The following IL1RAPL1 variants were observed in gnomAD, a reference collection of about 807,000 sequenced individuals.
IL1RAPL1 encodes the protein interleukin-1 receptor accessory protein-like 1.
In IL1RAPL1, 3 loss-of-function variants were observed where a neutral mutation model predicts 48.4. That is an observed-to-expected ratio of 0.06 (90% confidence interval 0.03 to 0.16). IL1RAPL1 has a LOEUF of 0.16. Ranked by LOEUF, IL1RAPL1 falls within the 10% of genes least tolerant of loss-of-function variation. The pLI is 1.00. For missense variants in IL1RAPL1, 349 were observed against 530.6 expected, an observed-to-expected ratio of 0.66 and a Z score of 3.36; for synonymous variants, 185 against 187.7, an observed-to-expected ratio of 0.99 and a Z score of 0.12.
At chrX:28,642,716 A>G (rs1934561439) in intron 1 of IL1RAPL1, among the ~76,000 whole-genome samples, 1 of 111,822 alleles carries the variant, frequency 8.9e-6, no homozygotes, top group Non-Finnish European at 1.9e-5. Flanking sequence ...GGAAAGATCT[A>G]AAATTGACAC....
chrX:29,661,612 G>A (rs1925851188), intron 5 of IL1RAPL1, among the ~76,000 whole-genome samples: 1 of 111,866 alleles, frequency 8.9e-6, no homozygotes, highest in African/African-American at 3.3e-5. Context: ...AGTAAAATTA[G>A]CCTTATGGAT....
intron 5 of IL1RAPL1, among the ~76,000 whole-genome samples, chrX:29,471,279 T>A (rs1934918024): frequency 1.8e-5 from 2 of 111,311 alleles, no homozygotes; most frequent in African/African-American, 6.5e-5. Flanking sequence ...GAGGCTCTGT[T>A]TAGCTTCAGT....
At chrX:29,788,646 A>G (rs1343847515) in intron 6 of IL1RAPL1, among the ~76,000 whole-genome samples, 2 of 112,217 alleles carry the variant, frequency 1.8e-5, no homozygotes, top group Non-Finnish European at 3.8e-5. Flanking sequence ...TCTTTGTGTT[A>G]TGAACATTCA....
chrX:28,666,533 A>AT (rs901951381), intron 1 of IL1RAPL1, among the ~76,000 whole-genome samples: 3 of 111,869 alleles, frequency 2.7e-5, no homozygotes, highest in East Asian at 2.8e-4. Context: ...TTTTGAATAA[A>AT]TTTTTTTTGT....
chrX:29,846,625 A>G (rs367679521), intron 6 of IL1RAPL1, among the ~76,000 whole-genome samples: 3 of 109,701 alleles, frequency 2.7e-5, no homozygotes, highest in East Asian at 5.7e-4. Flanking sequence ...TAATGCACTG[A>G]TACATAATCA....
rs192567503 is a variant in IL1RAPL1, at chrX:29,076,474, A to G, written c.83-206464A>G. ...GTACTGTATTTTCATAACATATGCC[A>G]GGCAACTTCTATGTATTTCAGGTCA... On this transcript the variant is annotated intron_variant, in intron 2 of 10. Transcript: ENST00000378993. Among the ~76,000 whole-genome samples the G allele has an allele frequency of 6.5e-3, 724 of 111,933 alleles. 8 individuals are homozygous for G. Among genetic ancestry groups the G allele is most frequent in the African/African-American group, 0.022 (692 of 30,866 alleles).
intron 6 of IL1RAPL1, among the ~76,000 whole-genome samples, chrX:29,813,952 G>C (rs1481632163): frequency 9.0e-6 from 1 of 111,660 alleles, no homozygotes; most frequent in Non-Finnish European, 1.9e-5. Flanking sequence ...AGTATTCCAT[G>C]GTGTGTATGC....
intron 2 of IL1RAPL1, among the ~76,000 whole-genome samples, chrX:29,060,009 A>C (rs1363534376): frequency 8.9e-6 from 1 of 111,792 alleles, no homozygotes; most frequent in Non-Finnish European, 1.9e-5. Flanking sequence ...GTTTTATCTG[A>C]AAGGCAAAAA....
intron 2 of IL1RAPL1, among the ~76,000 whole-genome samples, chrX:29,185,515 G>C (rs918513317): frequency 8.9e-6 from 1 of 111,877 alleles, no homozygotes; most frequent in African/African-American, 3.2e-5. Flanking sequence ...GCAATGCCTG[G>C]CTCAAAGTAA....
chrX:29,803,182 T>G (rs767026593), intron 6 of IL1RAPL1, among the ~76,000 whole-genome samples: 1 of 29,283 alleles, frequency 3.4e-5, no homozygotes, highest in Admixed American at 3.0e-4. Flanking sequence ...CATACATATA[T>G]GTATATATGT....
At chrX:29,335,165 A>C in intron 3 of IL1RAPL1, among the ~76,000 whole-genome samples, 1 of 108,763 alleles carries the variant, frequency 9.2e-6, no homozygotes, top group Non-Finnish European at 1.9e-5. Flanking sequence ...CGGCAGGCTG[A>C]GGCAGGAGAA....
chrX:28,977,559 T>C (rs1308160954), intron 2 of IL1RAPL1, among the ~76,000 whole-genome samples: 2 of 112,209 alleles, frequency 1.8e-5, no homozygotes, highest in Admixed American at 9.4e-5. Flanking sequence ...GAACATGAGA[T>C]TTATGTGAGG....
intron 2 of IL1RAPL1, among the ~76,000 whole-genome samples, chrX:29,168,166 C>T (rs1024032306): frequency 1.0e-4 from 11 of 109,903 alleles, no homozygotes; most frequent in African/African-American, 3.6e-4. Flanking sequence ...CCAATTTAGA[C>T]ATTTATCATT....
intron 1 of IL1RAPL1, among the ~76,000 whole-genome samples, chrX:28,782,373 A>G (rs1334613138): frequency 1.8e-5 from 2 of 111,761 alleles, no homozygotes; most frequent in Admixed American, 1.9e-4. Flanking sequence ...AGTAGTCAAT[A>G]TTTTAATCCT....
chrX:29,150,652 G>A (rs1465000957), intron 2 of IL1RAPL1, among the ~76,000 whole-genome samples: 3 of 110,131 alleles, frequency 2.7e-5, no homozygotes, highest in South Asian at 3.9e-4. Context: ...GGCTGGGCGC[G>A]GTGGCTCACT....
At chrX:29,367,674 G>A (rs765127351) in intron 3 of IL1RAPL1, among the ~76,000 whole-genome samples, 2 of 108,293 alleles carry the variant, frequency 1.8e-5, no homozygotes, top group African/African-American at 3.4e-5. Context: ...TCTGCCTCCC[G>A]GGTTTAAGCA....
At chrX:29,498,851 A>C (rs1286973572) in intron 5 of IL1RAPL1, among the ~76,000 whole-genome samples, 1 of 112,050 alleles carries the variant, frequency 8.9e-6, no homozygotes, top group African/African-American at 3.2e-5. Flanking sequence ...GGCATTAAGA[A>C]TATCATTAAA....
intron 5 of IL1RAPL1, among the ~76,000 whole-genome samples, chrX:29,410,140 A>G (rs1413076965): frequency 1.8e-5 from 2 of 110,117 alleles, no homozygotes; most frequent in Non-Finnish European, 3.8e-5. Context: ...ATTCTTCCAC[A>G]TAACCTCAAC....
intron 5 of IL1RAPL1, among the ~76,000 whole-genome samples, chrX:29,549,669 G>T (rs1921741744): frequency 8.9e-6 from 1 of 111,741 alleles, no homozygotes; most frequent in African/African-American, 3.3e-5. Flanking sequence ...TTAACAAAAG[G>T]AGAGCAGAGC....
Sources: allele counts gnomAD v4.1 joint callset (sites outside exome capture counted in the v4.1 genomes callset), GRCh38; gene constraint gnomAD v4.1.1; transcripts MANE v1.5; gene names NCBI Gene and HGNC (gene_info 2026-07-23, HGNC 2026-07-21).